The following IQSEC1 variants were observed in gnomAD, a reference collection of about 807,000 sequenced individuals.
The protein encoded by IQSEC1 is IQ motif and Sec7 domain ArfGEF 1.
A neutral mutation model predicts 91.0 loss-of-function variants in IQSEC1; 31 were observed. The ratio of observed to expected loss-of-function variants is 0.34; its 90% CI spans 0.26 to 0.46. The LOEUF (loss-of-function observed/expected upper bound fraction) is 0.46, where lower values mean the gene tolerates loss of function less well. IQSEC1 is among the 20% of genes least tolerant of loss of function. The probability of loss-of-function intolerance (pLI) is 1.00; values close to 1 mark genes in which losing one functional copy is unlikely to be tolerated. For missense variants in IQSEC1, 1,388 were observed against 1,575.6 expected (o/e 0.88, Z 2.02); for synonymous variants, 699 against 662.6 (o/e 1.05, Z -0.84).
intron 7 of IQSEC1, 26 bp from the exon 8 acceptor site, chr3:12,915,159 A>T: frequency 6.2e-7 from 1 of 1,604,364 alleles, no homozygotes; most frequent in Non-Finnish European, 8.5e-7. Flanking sequence ...AAACCAACAA[A>T]AGGGTGTTCA....
chr3:12,940,582 T>C lies in IQSEC1; in HGVS notation c.318+989A>G, dbSNP rs1698657426. Among the ~76,000 whole-genome samples, 1 of 151,644 alleles carries C rather than the reference T, an allele frequency of 6.6e-6. No individual in the cohort carries two copies. The highest frequency in any genetic ancestry group is 1.5e-5 in the Non-Finnish European group (1 of 67,884). ...TGGGGCCAGCAGGGGCAGAGGCAGCTGCCTGGGCATCTGGAGGAGCTGTCT... is the reference window on the plus strand; with the variant it reads ...TGGGGCCAGCAGGGGCAGAGGCAGCCGCCTGGGCATCTGGAGGAGCTGTCT... On this transcript the variant is annotated intron_variant, in intron 2 of 13. Transcript: ENST00000613206. This position sits in a 1 kb window ranked among gnomAD's most constrained non-coding sequence, Gnocchi z 4.4.
At chr3:12,934,576 G>A (rs1336619610) in intron 3 of IQSEC1, among the ~76,000 whole-genome samples, 1 of 152,058 alleles carries the variant, frequency 6.6e-6, no homozygotes, top group African/African-American at 2.4e-5. Flanking sequence ...ACCAGCCCAG[G>A]GGAGTTGGTG....
intron 1 of IQSEC1, among the ~76,000 whole-genome samples, chr3:13,183,721 GTGTTT>G (rs1303238334): frequency 3.9e-5 from 6 of 152,272 alleles, no homozygotes; most frequent in Admixed American, 1.3e-4. Context: ...TGCAATTCTT[GTGTTT>G]TGTTTGTTTG....
intron 1 of IQSEC1, among the ~76,000 whole-genome samples, chr3:13,051,354 T>C (rs1205323508): frequency 6.6e-6 from 1 of 152,190 alleles, no homozygotes; most frequent in Non-Finnish European, 1.5e-5. Context: ...ACCCTGGCAC[T>C]GCTTCTAAAC....
intron 1 of IQSEC1, among the ~76,000 whole-genome samples, chr3:13,263,439 G>C (rs500209): frequency 9.3e-6 from 1 of 107,190 alleles, no homozygotes; most frequent in Non-Finnish European, 2.0e-5. Flanking sequence ...GGGGGGGGGG[G>C]AAAGTACCTG....
intron 2 of IQSEC1, among the ~76,000 whole-genome samples, chr3:13,129,009 GA>G: frequency 6.6e-6 from 1 of 152,206 alleles, no homozygotes; most frequent in African/African-American, 2.4e-5. Context: ...AATGAGTTGG[GA>G]AATATTCTCT....
intron 1 of IQSEC1, among the ~76,000 whole-genome samples, chr3:13,019,057 AG>A (rs1703277275): frequency 6.6e-6 from 1 of 152,208 alleles, no homozygotes; most frequent in Admixed American, 6.5e-5. Context: ...AAGCCCGCCC[AG>A]CTGGCATGGC....
chr3:13,154,438 C>CATATATATATAT (rs774589168), intron 2 of IQSEC1, among the ~76,000 whole-genome samples: 422 of 20,638 alleles, frequency 0.02, 29 homozygotes, highest in Middle Eastern at 0.026. Context: ...AACTTACATG[C>CATATATATATAT]ATATATATAT....
chr3:13,232,831 A>T (rs927796586), intron 1 of IQSEC1, among the ~76,000 whole-genome samples: 1 of 152,234 alleles, frequency 6.6e-6, no homozygotes, highest in Admixed American at 6.5e-5. Context: ...GGGAATTCTG[A>T]CCCACACAAC....
intron 2 of IQSEC1, among the ~76,000 whole-genome samples, chr3:13,092,614 G>A (rs145770403): frequency 6.6e-6 from 1 of 152,154 alleles, no homozygotes; most frequent in African/African-American, 2.4e-5. Flanking sequence ...CGACATTTAA[G>A]CCAAGAGCTA....
In IQSEC1 at chr3:12,913,597, T is replaced by A. The variant is rs768646132; in HGVS notation, c.2191-44A>T. 10 of 1,577,760 alleles carry A rather than the reference T, an allele frequency of 6.3e-6. No homozygotes were observed. The Admixed American group carries it at 8.6e-5, about 14-fold the overall frequency. On this transcript the variant is annotated intron_variant, in intron 8 of 13. Coordinates refer to ENST00000613206, the MANE Select transcript of IQSEC1 (RefSeq NM_001134382.3). ...TCCTGCCACGGCCGCCCAGCTCTCC[T>A]CTAGGAGCCCTGGGGGCCGCAGTGG...
At chr3:12,965,250 T>C (rs1331399333) in intron 1 of IQSEC1, among the ~76,000 whole-genome samples, 1 of 152,218 alleles carries the variant, frequency 6.6e-6, no homozygotes, top group African/African-American at 2.4e-5. Context: ...GAGTGGTGCA[T>C]GGTGGCATGG....
chr3:13,250,050 G>A (rs556748024), intron 1 of IQSEC1, among the ~76,000 whole-genome samples: 3 of 152,336 alleles, frequency 2.0e-5, no homozygotes, highest in African/African-American at 7.2e-5. Flanking sequence ...CATTTTTGTG[G>A]CTGCCATGGT....
chr3:13,195,105 C>T (rs1172830818), intron 1 of IQSEC1, among the ~76,000 whole-genome samples: 2 of 152,072 alleles, frequency 1.3e-5, no homozygotes, highest in Non-Finnish European at 2.9e-5. Flanking sequence ...ATCTGACAAA[C>T]GAGTAGTATC....
At position 13,039,423 on chromosome 3, in the gene IQSEC1, C is replaced by T. The variant is rs1421868815; in HGVS notation, c.23+33569G>A. 2.6e-5 allele frequency among the ~76,000 whole-genome samples: 4 copies of T among 152,250 alleles called. No homozygotes were observed. In the East Asian group the frequency reaches 5.8e-4, roughly 22 times the overall value. On this transcript the variant is annotated intron_variant, in intron 1 of 13. Transcript: ENST00000613206. ...TTAGAAGTGGTTAATTATGCATTGTCTGCAAAACACCCCTTTCATACTCTT... is the reference window on the plus strand; with the variant it reads ...TTAGAAGTGGTTAATTATGCATTGTTTGCAAAACACCCCTTTCATACTCTT...
upstream of IQSEC1, among the ~76,000 whole-genome samples, chr3:13,073,844 G>T (rs892577414): frequency 6.6e-6 from 1 of 152,232 alleles, no homozygotes; most frequent in African/African-American, 2.4e-5. Context: ...TGGGAGTCTT[G>T]ATTATGCTAC....
chr3:13,069,925 A>G (rs1261200849), intron 1 of IQSEC1, among the ~76,000 whole-genome samples: 1 of 152,158 alleles, frequency 6.6e-6, no homozygotes, highest in Admixed American at 6.5e-5. Flanking sequence ...GGGTTAAGAA[A>G]TCTTCTCCTG....
At chr3:12,923,673 C>CAA (rs1559627245) in intron 4 of IQSEC1, among the ~76,000 whole-genome samples, 1 of 152,220 alleles carries the variant, frequency 6.6e-6, no homozygotes, top group African/African-American at 2.4e-5. Flanking sequence ...GCGACGGCAC[C>CAA]CTCTGCCTCC....
intron 1 of IQSEC1, among the ~76,000 whole-genome samples, chr3:13,064,936 C>T (rs571383686): frequency 1.4e-4 from 21 of 152,230 alleles, no homozygotes; most frequent in African/African-American, 5.1e-4. Flanking sequence ...CTGACCTGGA[C>T]GGAGAGCCAG....
Sources: allele counts gnomAD v4.1 joint callset (sites outside exome capture counted in the v4.1 genomes callset), GRCh38; gene constraint gnomAD v4.1.1; non-coding constraint Gnocchi (gnomAD v3.1); transcripts MANE v1.5; gene names NCBI Gene and HGNC (gene_info 2026-07-23, HGNC 2026-07-21).